Variants in JAZF1 observed in about 807,000 individuals in gnomAD.
JAZF1 encodes the protein juxtaposed with another zinc finger protein 1.
JAZF1 carries 8 observed loss-of-function variants against 26.4 expected under a neutral mutation model. The observed-to-expected ratio is 0.30, with a 90% confidence interval of 0.18 to 0.55. The LOEUF is 0.55. JAZF1 is among the 20% of genes least tolerant of loss of function. The pLI, the probability that JAZF1 is intolerant of heterozygous loss-of-function variation, is 0.94. For synonymous variants in JAZF1, 126 were observed against 122.3 expected (o/e 1.03, Z -0.20); for missense variants, 199 against 322.0 (o/e 0.62, Z 2.92).
At chr7:27,905,802 TC>T (rs1292152323) in intron 2 of JAZF1, among the ~76,000 whole-genome samples, 2 of 152,100 alleles carry the variant, frequency 1.3e-5, no homozygotes, top group Admixed American at 6.5e-5. Flanking sequence ...TTGGAATAAA[TC>T]CTTTCTTGAG....
intron 2 of JAZF1, among the ~76,000 whole-genome samples, chr7:27,919,487 T>C (rs961009441): frequency 6.6e-6 from 1 of 152,212 alleles, no homozygotes; most frequent in African/African-American, 2.4e-5. Flanking sequence ...ATGTCTACAA[T>C]GCCTTAAAGC....
intron 1 of JAZF1, among the ~76,000 whole-genome samples, chr7:28,098,889 G>T (rs936531129): frequency 6.6e-6 from 1 of 152,202 alleles, no homozygotes; most frequent in African/African-American, 2.4e-5. Context: ...CATAAAGGGA[G>T]GTCCGCTAGT....
At chr7:28,014,369 A>ATAACCATCT (rs1782847419) in intron 1 of JAZF1, among the ~76,000 whole-genome samples, 1 of 152,176 alleles carries the variant, frequency 6.6e-6, no homozygotes, top group Non-Finnish European at 1.5e-5. Context: ...TTATGGGTTG[A>ATAACCATCT]TATGGTTTGG....
chr7:27,982,677 T>G lies in JAZF1; in HGVS notation c.188+9232A>C, dbSNP rs34714526. Among the ~76,000 whole-genome samples the G allele has an allele frequency of 2.1e-4, 32 of 152,024 alleles. 1 individual carries two copies. The highest frequency in any genetic ancestry group is 1.9e-3 in the Admixed American group (29 of 15,286). On this transcript the variant is annotated intron_variant, in intron 2 of 4. Transcript: ENST00000283928. ...CTCAAATGGGTCCCTGACCCCCGAG[T>G]ATCCTAACTGGGAGACACCTCCCAG...
At chr7:28,097,885 A>G (rs1355551974) in intron 1 of JAZF1, among the ~76,000 whole-genome samples, 2 of 152,218 alleles carry the variant, frequency 1.3e-5, no homozygotes, top group Non-Finnish European at 2.9e-5. Flanking sequence ...AACCCAGAAC[A>G]CTATGCACTT....
At chr7:28,070,530 T>C (rs1254973793) in intron 1 of JAZF1, among the ~76,000 whole-genome samples, 1 of 152,216 alleles carries the variant, frequency 6.6e-6, no homozygotes, top group Non-Finnish European at 1.5e-5. Context: ...TTTTCCACCA[T>C]CCAGTCACAG....
intron 2 of JAZF1, among the ~76,000 whole-genome samples, chr7:27,931,407 A>G (rs1784686628): frequency 1.3e-5 from 2 of 152,274 alleles, no homozygotes; most frequent in Non-Finnish European, 1.5e-5. Context: ...CTAAAAAAAC[A>G]AAACATAACA....
chr7:28,021,466 C>T (rs557194292), intron 1 of JAZF1, among the ~76,000 whole-genome samples: 46 of 152,222 alleles, frequency 3.0e-4, no homozygotes, highest in Non-Finnish European at 3.7e-4. Context: ...AGTAAAATAA[C>T]GTGTAGAACT....
intron 3 of JAZF1, among the ~76,000 whole-genome samples, chr7:27,849,482 T>C (rs943910132): frequency 6.6e-6 from 1 of 152,164 alleles, no homozygotes; most frequent in Non-Finnish European, 1.5e-5. Flanking sequence ...TGGCTGCCAC[T>C]CATCTTTCTT....
chr7:27,915,447 A>G (rs1170491566), intron 2 of JAZF1, among the ~76,000 whole-genome samples: 2 of 152,208 alleles, frequency 1.3e-5, no homozygotes, highest in African/African-American at 4.8e-5. Context: ...GTTATTGCCT[A>G]ATTAATCAAG....
rs1248838028 is a variant in JAZF1, at chr7:27,993,405, A to C, written c.116-1424T>G. ...AGGGATAAAAGGAGTGGTTCTCTAA[A>C]TAACAAAAAAACCACTCTTCACGGG... On this transcript the variant is annotated intron_variant, in intron 1 of 4. Transcript: ENST00000283928. 2.6e-5 allele frequency among the ~76,000 whole-genome samples: 4 copies of C among 152,346 alleles called. No individual in the cohort carries two copies. The East Asian group carries it at 7.7e-4, about 29-fold the overall frequency.
At chr7:28,120,749 AG>A (rs1782589709) in intron 1 of JAZF1, among the ~76,000 whole-genome samples, 1 of 152,052 alleles carries the variant, frequency 6.6e-6, no homozygotes, top group African/African-American at 2.4e-5. Context: ...AGCCACCCCA[AG>A]TGGGAGATTT....
At chr7:28,168,909 T>C (rs1031510685) in intron 1 of JAZF1, among the ~76,000 whole-genome samples, 3 of 152,218 alleles carry the variant, frequency 2.0e-5, no homozygotes, top group East Asian at 3.8e-4. Context: ...TCTGAAGGGC[T>C]AAGAACACAT....
intron 2 of JAZF1, among the ~76,000 whole-genome samples, chr7:27,991,169 A>G (rs1369033999): frequency 2.6e-5 from 4 of 152,198 alleles, no homozygotes; most frequent in Non-Finnish European, 5.9e-5. Context: ...AAAAAGACCT[A>G]TCAATAGAAA....
chr7:27,906,463 A>G (rs1444400169), intron 2 of JAZF1, among the ~76,000 whole-genome samples: 2 of 152,192 alleles, frequency 1.3e-5, no homozygotes, highest in Non-Finnish European at 2.9e-5. Flanking sequence ...CCATTCCTGA[A>G]TACTATGTCT....
At chr7:27,835,481 C>G (rs1368236285) in intron 4 of JAZF1, among the ~76,000 whole-genome samples, 1 of 152,172 alleles carries the variant, frequency 6.6e-6, no homozygotes. Flanking sequence ...GTGAAGAAAA[C>G]AGCCAACACC....
At chr7:28,009,685 G>A (rs1178494962) in intron 1 of JAZF1, among the ~76,000 whole-genome samples, 7 of 151,954 alleles carry the variant, frequency 4.6e-5, no homozygotes, top group Admixed American at 2.6e-4. Flanking sequence ...GGGTTTCACC[G>A]TGTTAGCCAG....
chr7:28,006,254 AG>A (rs2128369017), intron 1 of JAZF1, among the ~76,000 whole-genome samples: 1 of 152,318 alleles, frequency 6.6e-6, no homozygotes, highest in Non-Finnish European at 1.5e-5. Context: ...CTGTAGTCCC[AG>A]CTACTCAGGA....
intron 2 of JAZF1, among the ~76,000 whole-genome samples, chr7:27,963,110 A>C (rs568708936): frequency 5.3e-4 from 81 of 152,224 alleles, no homozygotes; most frequent in African/African-American, 1.9e-3. Context: ...TTTGGGATGG[A>C]TTTTCTGTGA....
Sources: allele counts gnomAD v4.1 joint callset (sites outside exome capture counted in the v4.1 genomes callset), GRCh38; gene constraint gnomAD v4.1.1; transcripts MANE v1.5; gene names NCBI Gene and HGNC (gene_info 2026-07-23, HGNC 2026-07-21).